LRRC37A2: variants seen among roughly 807,000 people sequenced by gnomAD.
LRRC37A2 encodes leucine rich repeat containing 37 member A2.
Under a neutral mutation model 68.8 loss-of-function variants are expected in LRRC37A2, and 9 were observed. That is an observed-to-expected ratio of 0.13 (90% CI 0.08 to 0.23). The LOEUF (loss-of-function observed/expected upper bound fraction) is 0.23, where lower values mean the gene tolerates loss of function less well. Ranked by LOEUF, LRRC37A2 falls within the 10% of genes least tolerant of loss-of-function variation. The probability of loss-of-function intolerance (pLI) is 1.00; values close to 1 mark genes in which losing one functional copy is unlikely to be tolerated. For missense variants in LRRC37A2, 168 were observed against 950.4 expected, an observed-to-expected ratio of 0.18 and a Z score of 10.82; for synonymous variants, 63 against 367.6, an observed-to-expected ratio of 0.17 and a Z score of 9.48.
chr17:46,548,923 G>T (rs2056495278), exon 10 of LRRC37A2: 1 of 1,612,548 alleles, frequency 6.2e-7, no homozygotes, highest in African/African-American at 1.4e-5. Context: ...CTCCAGCCCT[G>T]CAAAAGCCCT....
the LRRC37A2 span, among the ~76,000 whole-genome samples, chr17:47,035,711 T>C: frequency 2.6e-5 from 4 of 152,260 alleles, no homozygotes; most frequent in Non-Finnish European, 4.4e-5. Flanking sequence ...GCAACTCTTA[T>C]GTTTAACTTT....
the LRRC37A2 span, among the ~76,000 whole-genome samples, chr17:46,870,904 C>CTTTTTTTTTTTTTTTT: frequency 5.1e-5 from 4 of 78,396 alleles, no homozygotes; most frequent in African/African-American, 2.0e-4. Context: ...TCCACCTTTG[C>CTTTTTTTTTTTTTTTT]TTTTTTTTTT....
the LRRC37A2 span, among the ~76,000 whole-genome samples, chr17:46,947,443 C>T: frequency 0.44 from 66,480 of 152,022 alleles, 14,947 homozygotes; most frequent in South Asian, 0.52. Context: ...TCAGAGCTCC[C>T]TACAACTTAC....
At chr17:46,816,157 ACACT>A in the LRRC37A2 span, among the ~76,000 whole-genome samples, 101 of 151,322 alleles carry the variant, frequency 6.7e-4, 1 homozygote, top group African/African-American at 2.4e-3. Context: ...ACGCACACAC[ACACT>A]CACATGCCCA....
chr17:46,879,418 G>A, the LRRC37A2 span, among the ~76,000 whole-genome samples: 5 of 152,206 alleles, frequency 3.3e-5, no homozygotes, highest in African/African-American at 1.2e-4. Context: ...CTGCCCTTCT[G>A]GGTCCAGGCC....
chr17:46,915,080 A>G, the LRRC37A2 span, among the ~76,000 whole-genome samples: 1 of 152,184 alleles, frequency 6.6e-6, no homozygotes. Context: ...AAATTCATCC[A>G]TTTTACTATA....
At chr17:46,967,402 C>T in the LRRC37A2 span, among the ~76,000 whole-genome samples, 1 of 152,176 alleles carries the variant, frequency 6.6e-6, no homozygotes, top group African/African-American at 2.4e-5. Context: ...CATTAGCTGT[C>T]ATTACCAAGA....
At chr17:46,878,640 C>T in the LRRC37A2 span, among the ~76,000 whole-genome samples, 3 of 152,296 alleles carry the variant, frequency 2.0e-5, no homozygotes, top group East Asian at 1.9e-4. Context: ...CTTGCTCCTC[C>T]GAGACCCCAA....
the LRRC37A2 span, among the ~76,000 whole-genome samples, chr17:46,416,350 G>A: frequency 3.1e-5 from 1 of 32,752 alleles, no homozygotes; most frequent in East Asian, 3.2e-4. Flanking sequence ...GCAATGGTGC[G>A]ATCTTGGCTC....
chr17:46,726,294 TGTG>T, the LRRC37A2 span, among the ~76,000 whole-genome samples: 8 of 152,166 alleles, frequency 5.3e-5, no homozygotes, highest in Non-Finnish European at 8.8e-5. Context: ...AGTGATGGGA[TGTG>T]TCAGTTGATT....
At chr17:46,835,072 G>A in the LRRC37A2 span, among the ~76,000 whole-genome samples, 1 of 152,180 alleles carries the variant, frequency 6.6e-6, no homozygotes, top group East Asian at 1.9e-4. Context: ...AGTGCTCACT[G>A]TAGCCTCCAT....
chr17:46,867,037 G>C, the LRRC37A2 span, among the ~76,000 whole-genome samples: 5 of 152,204 alleles, frequency 3.3e-5, no homozygotes, highest in East Asian at 9.6e-4. Flanking sequence ...CACCTGCATG[G>C]TACCAGGAGT....
the LRRC37A2 span, among the ~76,000 whole-genome samples, chr17:46,569,632 CAAT>C: frequency 3.1e-5 from 3 of 97,162 alleles, no homozygotes; most frequent in African/African-American, 4.8e-5. Flanking sequence ...ACAGCTAAAA[CAAT>C]GATATAAAAT....
At chr17:46,952,788 TC>T in the LRRC37A2 span, 1 of 152,118 alleles carries the variant, frequency 6.6e-6, no homozygotes, top group African/African-American at 2.4e-5. Flanking sequence ...CCTCAGAACT[TC>T]CCAATTTGGA....
At chr17:46,848,503 C>A in the LRRC37A2 span, among the ~76,000 whole-genome samples, 1 of 152,234 alleles carries the variant, frequency 6.6e-6, no homozygotes, top group Non-Finnish European at 1.5e-5. Context: ...ATGGCACAGG[C>A]TGTAGGTCCC....
chr17:46,541,752 G>A (rs11651642), intron 8 of LRRC37A2, among the ~76,000 whole-genome samples: 74,210 of 149,002 alleles, frequency 0.5, 19,029 homozygotes, highest in South Asian at 0.68. Context: ...GTATAATTAT[G>A]TACATACCAT....
At chr17:46,942,578 C>G in the LRRC37A2 span, among the ~76,000 whole-genome samples, 36 of 152,312 alleles carry the variant, frequency 2.4e-4, no homozygotes, top group Non-Finnish European at 4.6e-4. Flanking sequence ...CTGGCATGGA[C>G]TATAGAGCTA....
chr17:46,992,000 T>C, the LRRC37A2 span, among the ~76,000 whole-genome samples: 1 of 152,236 alleles, frequency 6.6e-6, no homozygotes, highest in East Asian at 1.9e-4. Context: ...CCAAGCTAAA[T>C]GTCCAAGAAA....
chr17:46,971,324 G>A, the LRRC37A2 span, among the ~76,000 whole-genome samples: 4 of 152,096 alleles, frequency 2.6e-5, no homozygotes, highest in East Asian at 1.9e-4. Flanking sequence ...GCAACAGAGC[G>A]AGACTCCTTC....
Sources: gnomAD v4.1 joint callset for allele counts (sites outside exome capture counted in the v4.1 genomes callset) on GRCh38, gnomAD v4.1.1 for gene constraint, MANE v1.5 for transcripts, NCBI Gene and HGNC (gene_info 2026-07-23, HGNC 2026-07-21) for gene names.